Variants in SEC22A observed in about 807,000 individuals in gnomAD.
SEC22A encodes vesicle-trafficking protein SEC22a.
SEC22A carries 22 observed loss-of-function variants against 35.3 expected under a neutral mutation model. The observed-to-expected ratio is 0.62, with a 90% CI of 0.45 to 0.89. The LOEUF is 0.89. SEC22A is among the 40% of genes least tolerant of loss of function. The probability of loss-of-function intolerance (pLI) is 0.00; values close to 1 mark genes in which losing one functional copy is unlikely to be tolerated. For missense variants in SEC22A, 354 were observed against 362.5 expected (o/e 0.98, Z 0.19); for synonymous variants, 119 against 129.5 (o/e 0.92, Z 0.55).
intron 4 of SEC22A, among the ~76,000 whole-genome samples, chr3:123,235,810 G>T (rs1442469279): frequency 6.6e-6 from 1 of 152,192 alleles, no homozygotes; most frequent in African/African-American, 2.4e-5. Context: ...TCCATCAGCT[G>T]ATGAGTGGAT....
At chr3:123,244,290 C>T (rs114979164) in intron 4 of SEC22A, among the ~76,000 whole-genome samples, 1,912 of 152,142 alleles carry the variant, frequency 0.013, 40 homozygotes, top group African/African-American at 0.045. Flanking sequence ...TGGGTGGGGG[C>T]GGAAGTGGGG....
At chr3:123,221,156 G>T (rs1235767492) in intron 2 of SEC22A, among the ~76,000 whole-genome samples, 1 of 151,698 alleles carries the variant, frequency 6.6e-6, no homozygotes, top group African/African-American at 2.4e-5. Context: ...TGACCAGTAT[G>T]GATCAGAATT....
rs779433710 is a variant in SEC22A, at chr3:123,203,053, CTT to C, written c.-20+1100_-20+1101del. Reference sequence around the variant, plus strand: ...GAAAACCATCACATCTGTTTAGTGCCTTTTTTTTTTTTTTTTTTTTTTTTTTT... The same window carrying C: ...GAAAACCATCACATCTGTTTAGTGCCTTTTTTTTTTTTTTTTTTTTTTTTT... On this transcript the variant is annotated intron_variant, in intron 1 of 6. Transcript: ENST00000492595. Among the ~76,000 whole-genome samples the C allele has an allele frequency of 7.8e-4, 34 of 43,826 alleles. 1 individual carries two copies. Among genetic ancestry groups the C allele is most frequent in the African/African-American group, 1.1e-3 (10 of 9,426 alleles). The allele number at this position is 43,826 out of a possible 152,430, so 28.8% of individuals were successfully genotyped here.
At chr3:123,246,738 A>G (rs1559760321) in intron 5 of SEC22A, among the ~76,000 whole-genome samples, 2 of 151,980 alleles carry the variant, frequency 1.3e-5, no homozygotes, top group Non-Finnish European at 2.9e-5. Context: ...ATTTCTATTC[A>G]CTTTCTCTGA....
At chr3:123,226,751 G>A (rs1937223265) in intron 4 of SEC22A, among the ~76,000 whole-genome samples, 1 of 152,154 alleles carries the variant, frequency 6.6e-6, no homozygotes, top group African/African-American at 2.4e-5. Flanking sequence ...TGCATTGGTT[G>A]CCTGTACTTG....
At chr3:123,228,003 T>A (rs1202463941) in intron 4 of SEC22A, among the ~76,000 whole-genome samples, 2 of 151,884 alleles carry the variant, frequency 1.3e-5, no homozygotes, top group African/African-American at 4.8e-5. Context: ...GCATTTCAAG[T>A]TCTCCCCATC....
intron 1 of SEC22A, among the ~76,000 whole-genome samples, chr3:123,207,323 AT>A (rs1208755763): frequency 7.3e-5 from 11 of 151,314 alleles, no homozygotes; most frequent in African/African-American, 1.9e-4. Context: ...TTTCTGTGGT[AT>A]TTTTTTTTAT....
At chr3:123,248,368 A>G (rs552129191) in intron 5 of SEC22A, among the ~76,000 whole-genome samples, 2 of 152,354 alleles carry the variant, frequency 1.3e-5, no homozygotes, top group South Asian at 4.1e-4. Flanking sequence ...ACCTGGGATT[A>G]ATAAGTAATT....
At chr3:123,210,096 T>G (rs2108028926) in intron 2 of SEC22A, among the ~76,000 whole-genome samples, 1 of 152,314 alleles carries the variant, frequency 6.6e-6, no homozygotes, top group Middle Eastern at 3.4e-3. Context: ...AGTCTATTAG[T>G]CTGTTTAGTC....
In SEC22A at chr3:123,271,800, G is replaced by T; in HGVS notation, c.*78G>T. ...ATCATAACTGCACTGTGATGAAGAA[G>T]CTGTTCCCCACAGAGGAGAAGCTCT... On this transcript the variant is annotated 3_prime_UTR_variant, in exon 7 of 7. Coordinates refer to ENST00000492595, the MANE Select transcript of SEC22A (RefSeq NM_012430.5). 1 of 1,212,010 alleles carries T rather than the reference G, an allele frequency of 8.3e-7. No homozygotes were observed. The highest frequency in any genetic ancestry group is 1.3e-5 in the South Asian group (1 of 76,580). The allele number at this position is 1,212,010 out of a possible 1,614,324, so 75.1% of individuals were successfully genotyped here.
intron 6 of SEC22A, among the ~76,000 whole-genome samples, chr3:123,270,185 G>A (rs921375931): frequency 2.0e-5 from 3 of 152,090 alleles, no homozygotes; most frequent in African/African-American, 4.8e-5. Context: ...TAAACAAAGC[G>A]TATACAATAA....
chr3:123,263,937 T>A (rs990127190), intron 6 of SEC22A, among the ~76,000 whole-genome samples: 1 of 151,666 alleles, frequency 6.6e-6, no homozygotes, highest in Admixed American at 6.6e-5. Context: ...TTTTTTTTTT[T>A]AAAGACAAGG....
At chr3:123,257,434 C>T (rs575986702) in intron 5 of SEC22A, among the ~76,000 whole-genome samples, 4 of 152,310 alleles carry the variant, frequency 2.6e-5, no homozygotes, top group Admixed American at 6.5e-5. Flanking sequence ...CGGTGGCTCA[C>T]GCCTGTAATC....
intron 2 of SEC22A, among the ~76,000 whole-genome samples, chr3:123,220,603 C>A (rs1471720244): frequency 1.3e-5 from 2 of 151,862 alleles, no homozygotes; most frequent in African/African-American, 4.8e-5. Flanking sequence ...CCAATATTTT[C>A]TGTTATATTT....
intron 2 of SEC22A, among the ~76,000 whole-genome samples, chr3:123,221,982 A>G (rs1937131318): frequency 6.6e-6 from 1 of 151,922 alleles, no homozygotes; most frequent in African/African-American, 2.4e-5. Flanking sequence ...TTCAGAGTAT[A>G]TTTTCTAAAA....
chr3:123,230,412 A>G (rs1180343939), intron 4 of SEC22A, among the ~76,000 whole-genome samples: 1 of 152,142 alleles, frequency 6.6e-6, no homozygotes, highest in East Asian at 1.9e-4. Context: ...TATAATTACT[A>G]TCCTTTCTTA....
intron 2 of SEC22A, 144 bp from the exon 3 acceptor site, chr3:123,223,415 A>AT: frequency 1.6e-6 from 1 of 631,292 alleles, no homozygotes; most frequent in East Asian, 2.8e-5. Context: ...GTTCCTTTAA[A>AT]TTTTTTCCTA....
At chr3:123,236,045 A>G (rs1346459111) in intron 4 of SEC22A, among the ~76,000 whole-genome samples, 1 of 152,184 alleles carries the variant, frequency 6.6e-6, no homozygotes, top group Admixed American at 6.5e-5. Flanking sequence ...AGCTAGAGGA[A>G]TGGAGGGAAA....
intron 2 of SEC22A, among the ~76,000 whole-genome samples, chr3:123,223,032 C>T (rs1937156699): frequency 6.6e-6 from 1 of 152,176 alleles, no homozygotes; most frequent in Non-Finnish European, 1.5e-5. Flanking sequence ...CATAAATTCC[C>T]CCCTCCCATG....
Sources: allele counts gnomAD v4.1 joint callset (sites outside exome capture counted in the v4.1 genomes callset), GRCh38; gene constraint gnomAD v4.1.1; transcripts MANE v1.5; gene names NCBI Gene and HGNC (gene_info 2026-07-23, HGNC 2026-07-21).